Variants in OSBPL8 observed in about 807,000 individuals in gnomAD.
OSBPL8 encodes the protein oxysterol binding protein like 8.
In OSBPL8, 59 loss-of-function variants were observed where a neutral mutation model predicts 125.5. That is an observed-to-expected ratio of 0.47 (90% CI 0.38 to 0.58). The LOEUF (loss-of-function observed/expected upper bound fraction) is 0.58, where lower values mean the gene tolerates loss of function less well. OSBPL8 is among the 20% of genes least tolerant of loss of function. The probability of loss-of-function intolerance (pLI) is 0.00; values close to 1 mark genes in which losing one functional copy is unlikely to be tolerated. For synonymous variants in OSBPL8, 330 were observed against 338.9 expected (o/e 0.97, Z 0.29); for missense variants, 758 against 1,047.8 (o/e 0.72, Z 3.82).
intron 1 of OSBPL8, among the ~76,000 whole-genome samples, chr12:76,551,132 T>C (rs2137502292): frequency 6.6e-6 from 1 of 152,150 alleles, no homozygotes; most frequent in South Asian, 2.1e-4. Flanking sequence ...ACTAGGATGT[T>C]TTATAAAAAC....
intron 4 of OSBPL8, among the ~76,000 whole-genome samples, chr12:76,420,371 T>C (rs749248795): frequency 2.0e-5 from 3 of 152,066 alleles, no homozygotes; most frequent in Non-Finnish European, 4.4e-5. Flanking sequence ...TTCTAGAGAT[T>C]AGTAAAACAA....
intron 4 of OSBPL8, among the ~76,000 whole-genome samples, chr12:76,420,746 A>G (rs2136491054): frequency 6.6e-6 from 1 of 152,188 alleles, no homozygotes; most frequent in East Asian, 1.9e-4. Context: ...ATCAGGAGAT[A>G]TTAGATGTAC....
intron 6 of OSBPL8, among the ~76,000 whole-genome samples, chr12:76,402,339 G>A (rs1244133655): frequency 6.6e-6 from 1 of 152,166 alleles, no homozygotes; most frequent in Non-Finnish European, 1.5e-5. Flanking sequence ...CCAGGAGTTA[G>A]CAATCTCTAA....
chr12:76,375,390 CA>C lies in OSBPL8; in HGVS notation c.1730-21del. Reference sequence around the variant, plus strand: ...GAATTCCTAAAGGAAAAAGATTTGACAAAAAATTGAAAAGAGTATAGTATAG... The same window carrying C: ...GAATTCCTAAAGGAAAAAGATTTGACAAAAATTGAAAAGAGTATAGTATAG... On this transcript the variant is annotated intron_variant, in intron 16 of 23. Coordinates refer to ENST00000261183, the MANE Select transcript of OSBPL8 (RefSeq NM_020841.5). 3.2e-6 allele frequency: 5 copies of C among 1,561,156 alleles called. No individual in the cohort carries two copies. Among genetic ancestry groups the C allele is most frequent in the Non-Finnish European group, 4.4e-6 (5 of 1,135,080 alleles).
At chr12:76,430,402 G>T (rs1870669628) in intron 4 of OSBPL8, among the ~76,000 whole-genome samples, 1 of 152,100 alleles carries the variant, frequency 6.6e-6, no homozygotes, top group Non-Finnish European at 1.5e-5. Context: ...GCAAAAGGAG[G>T]TCTTTATCTG....
At chr12:76,474,528 C>A (rs758440421) in intron 2 of OSBPL8, among the ~76,000 whole-genome samples, 2 of 152,126 alleles carry the variant, frequency 1.3e-5, no homozygotes, top group Non-Finnish European at 2.9e-5. Context: ...GTTGCCCAAG[C>A]TGGAGTGCAG....
chr12:76,522,303 C>CA (rs1882139803), intron 1 of OSBPL8, among the ~76,000 whole-genome samples: 2 of 149,224 alleles, frequency 1.3e-5, no homozygotes, highest in Admixed American at 1.3e-4. Flanking sequence ...CAATAAAATC[C>CA]AAAAAATGAA....
At chr12:76,489,306 A>G (rs896248301) in intron 1 of OSBPL8, among the ~76,000 whole-genome samples, 1 of 152,228 alleles carries the variant, frequency 6.6e-6, no homozygotes, top group Non-Finnish European at 1.5e-5. Flanking sequence ...CAGGTTTTCA[A>G]TATAGATGAA....
intron 15 of OSBPL8, among the ~76,000 whole-genome samples, chr12:76,381,269 G>C (rs1953038206): frequency 6.6e-6 from 1 of 152,082 alleles, no homozygotes; most frequent in Non-Finnish European, 1.5e-5. Flanking sequence ...TCTGAGGAGT[G>C]TTTTTTCTTC....
At chr12:76,498,544 AG>A (rs1879522709) in intron 1 of OSBPL8, among the ~76,000 whole-genome samples, 1 of 152,186 alleles carries the variant, frequency 6.6e-6, no homozygotes, top group South Asian at 2.1e-4. Context: ...ACTGATTTAA[AG>A]TATCTATACA....
chr12:76,540,401 A>C (rs1475179647), intron 1 of OSBPL8, among the ~76,000 whole-genome samples: 3 of 152,132 alleles, frequency 2.0e-5, no homozygotes, highest in South Asian at 4.1e-4. Flanking sequence ...TCTGACTTTT[A>C]GATTTAAGAT....
In OSBPL8 at chr12:76,365,528, A is replaced by G. The variant is rs894286331; in HGVS notation, c.2328+3686T>C. On this transcript the variant is annotated intron_variant, in intron 21 of 23. Transcript: ENST00000261183. ...TTCTATGGATTCTTTGGGATTTTCTATATATAGGATAATGTCACCTGTTAA... is the reference window on the plus strand; with the variant it reads ...TTCTATGGATTCTTTGGGATTTTCTGTATATAGGATAATGTCACCTGTTAA... Among the ~76,000 whole-genome samples the G allele has an allele frequency of 9.2e-5, 14 of 152,208 alleles. No individual in the cohort carries two copies. The South Asian group carries it at 1.2e-3, about 14-fold the overall frequency.
At chr12:76,506,350 C>A (rs974933004) in intron 1 of OSBPL8, among the ~76,000 whole-genome samples, 1 of 151,932 alleles carries the variant, frequency 6.6e-6, no homozygotes, top group Admixed American at 6.6e-5. Flanking sequence ...GTGAGGCTGA[C>A]GGGGAAGAGG....
intron 19 of OSBPL8, among the ~76,000 whole-genome samples, chr12:76,370,372 C>T (rs942250642): frequency 6.6e-6 from 1 of 152,122 alleles, no homozygotes; most frequent in Non-Finnish European, 1.5e-5. Context: ...ACTGGTTTAA[C>T]AGAAAAGACT....
intron 1 of OSBPL8, among the ~76,000 whole-genome samples, chr12:76,553,976 C>CAAAAAAA (rs11395533): frequency 1.0e-5 from 1 of 95,718 alleles, no homozygotes; most frequent in Non-Finnish European, 1.9e-5. Flanking sequence ...GACTCTATCT[C>CAAAAAAA]AAAAAAAAAA....
At chr12:76,413,853 T>C (rs570196254) in intron 4 of OSBPL8, among the ~76,000 whole-genome samples, 44 of 152,284 alleles carry the variant, frequency 2.9e-4, no homozygotes, top group African/African-American at 1.0e-3. Flanking sequence ...CTTTGCCAAA[T>C]GTATTTGTTG....
intron 1 of OSBPL8, among the ~76,000 whole-genome samples, chr12:76,555,173 A>G (rs1951055923): frequency 6.6e-6 from 1 of 152,096 alleles, no homozygotes; most frequent in Non-Finnish European, 1.5e-5. Context: ...CAACCAGAAA[A>G]CCCCTTATTT....
chr12:76,449,148 G>A (rs1401413664), intron 4 of OSBPL8, among the ~76,000 whole-genome samples: 1 of 152,098 alleles, frequency 6.6e-6, no homozygotes, highest in East Asian at 1.9e-4. Context: ...TAATTACAAA[G>A]TATGACAGAA....
rs763602951 is a variant in OSBPL8 at position 76,450,819 on chromosome 12, CA to C, written c.217+31del. ...TCCCCTCCAAAAACAAAAACAAAAA[CA>C]AGACAAAACATGAAAACCACAACTT... On this transcript the variant is annotated intron_variant, in intron 4 of 23. Transcript: ENST00000261183. 294 of 1,560,850 alleles carry C rather than the reference CA, an allele frequency of 1.9e-4. 1 individual carries two copies. In the African/African-American group the frequency reaches 3.3e-3, roughly 18 times the overall value.
Sources: gnomAD v4.1 joint callset for allele counts (sites outside exome capture counted in the v4.1 genomes callset) on GRCh38, gnomAD v4.1.1 for gene constraint, MANE v1.5 for transcripts, NCBI Gene and HGNC (gene_info 2026-07-23, HGNC 2026-07-21) for gene names.